PDE3A: variants seen among roughly 807,000 people sequenced by gnomAD.
PDE3A encodes the protein phosphodiesterase 3A.
PDE3A carries 43 observed loss-of-function variants against 98.3 expected under a neutral mutation model. That is an observed-to-expected ratio of 0.44 (90% CI 0.34 to 0.56). The LOEUF (loss-of-function observed/expected upper bound fraction) is 0.56. Ranked by LOEUF, PDE3A falls within the 20% of genes least tolerant of loss-of-function variation. PDE3A has a pLI of 0.01. For missense variants in PDE3A, 1,427 were observed against 1,440.7 expected (o/e 0.99, Z 0.15); for synonymous variants, 663 against 567.9 (o/e 1.17, Z -2.38).
rs1488589197 is a variant in PDE3A, at chr12:20,681,386, A to C, written c.*1115A>C. On this transcript the variant is annotated 3_prime_UTR_variant, in exon 16 of 16. Coordinates refer to ENST00000359062, the MANE Select transcript of PDE3A (RefSeq NM_000921.5). ...GAGAAGGCTTGGGAAATTGTACTTC[A>C]GCGTGATAGCCTGTGTCTTCTTAAT... is the stretch of plus-strand genomic sequence containing the variant. 1 of 152,236 alleles carries C rather than the reference A, an allele frequency of 6.6e-6. No individual in the cohort carries two copies. The highest frequency in any genetic ancestry group is 1.5e-5 in the Non-Finnish European group (1 of 68,056). The allele number at this position is 152,236 out of a possible 1,614,324, so 9.4% of individuals were successfully genotyped here.
At chr12:20,385,748 T>C (rs1027870141) in intron 1 of PDE3A, among the ~76,000 whole-genome samples, 1 of 149,332 alleles carries the variant, frequency 6.7e-6, no homozygotes, top group Non-Finnish European at 1.5e-5. Flanking sequence ...ATAAGAACAC[T>C]TGGACACAGG....
At chr12:20,641,896 A>G (rs951373859) in intron 10 of PDE3A, among the ~76,000 whole-genome samples, 3 of 152,108 alleles carry the variant, frequency 2.0e-5, no homozygotes, top group Non-Finnish European at 4.4e-5. Flanking sequence ...ATTTATTTAC[A>G]TCTTCTCATA....
In PDE3A at chr12:20,684,855, A is replaced by C. The variant is rs796413058; in HGVS notation, c.*4584A>C. On this transcript the variant is annotated 3_prime_UTR_variant, in exon 16 of 16. Transcript: ENST00000359062. Reference sequence around the variant, plus strand: ...CTACAAACAATGAGTTGAGCTAAAAACTATACATAACTTAAATTGAGATTT... The same window carrying C: ...CTACAAACAATGAGTTGAGCTAAAACCTATACATAACTTAAATTGAGATTT... Among the ~76,000 whole-genome samples, 4 of 152,356 alleles carry C rather than the reference A, an allele frequency of 2.6e-5. No homozygotes were observed. The highest frequency in any genetic ancestry group is 9.6e-5 in the African/African-American group (4 of 41,586).
At chr12:20,511,784 AAGAG>A (rs574187661) in intron 1 of PDE3A, among the ~76,000 whole-genome samples, 17 of 152,178 alleles carry the variant, frequency 1.1e-4, no homozygotes, top group Non-Finnish European at 2.1e-4. Context: ...GGCAAAGAGA[AAGAG>A]AGACTGCATT....
chr12:20,656,075 A>T (rs188400667), intron 15 of PDE3A, among the ~76,000 whole-genome samples: 1 of 152,314 alleles, frequency 6.6e-6, no homozygotes, highest in East Asian at 1.9e-4. Flanking sequence ...ATTAGTAAAA[A>T]TCCATGACCC....
intron 1 of PDE3A, among the ~76,000 whole-genome samples, chr12:20,545,633 C>T (rs1448080694): frequency 2.0e-5 from 3 of 151,790 alleles, no homozygotes; most frequent in South Asian, 2.1e-4. Flanking sequence ...ACGAGGAATA[C>T]AGGAGAAAGC....
intron 2 of PDE3A, among the ~76,000 whole-genome samples, chr12:20,579,815 CT>C (rs1453971383): frequency 6.6e-6 from 1 of 152,076 alleles, no homozygotes; most frequent in Non-Finnish European, 1.5e-5. Flanking sequence ...ATCAAAGGTT[CT>C]TAGGCTCAAT....
intron 14 of PDE3A, among the ~76,000 whole-genome samples, chr12:20,653,021 T>A (rs1285074281): frequency 6.6e-6 from 1 of 152,166 alleles, no homozygotes; most frequent in Non-Finnish European, 1.5e-5. Flanking sequence ...AAAGGGAAAA[T>A]TCATGTATAA....
chr12:20,606,524 A>G (rs892890182), intron 2 of PDE3A, among the ~76,000 whole-genome samples: 1 of 152,058 alleles, frequency 6.6e-6, no homozygotes, highest in South Asian at 2.1e-4. Context: ...TTATCATATC[A>G]GTACTGCAAT....
At chr12:20,527,458 G>A (rs1197193118) in intron 1 of PDE3A, among the ~76,000 whole-genome samples, 1 of 152,012 alleles carries the variant, frequency 6.6e-6, no homozygotes, top group Non-Finnish European at 1.5e-5. Flanking sequence ...CATTCAGTGA[G>A]TGCCAGATAA....
intron 2 of PDE3A, among the ~76,000 whole-genome samples, chr12:20,560,268 A>G (rs1942480355): frequency 6.6e-6 from 1 of 152,202 alleles, no homozygotes; most frequent in African/African-American, 2.4e-5. Flanking sequence ...AAAACAGAAT[A>G]AAAGTCTGAT....
Position 20,600,835 on chromosome 12 carries a change from A to T in PDE3A, c.1012-12608A>T, listed in dbSNP as rs1468244689. Among the ~76,000 whole-genome samples the T allele has an allele frequency of 2.0e-5, 3 of 152,180 alleles. No individual in the cohort carries two copies. The East Asian group carries it at 5.8e-4, about 29-fold the overall frequency. On this transcript the variant is annotated intron_variant, in intron 2 of 15. Coordinates refer to ENST00000359062, the MANE Select transcript of PDE3A (RefSeq NM_000921.5). ...GATTAGAACATGCAATTGTGCTAGG[A>T]GGTTGAATGTTTTAAGATGGCTTCC...
intron 1 of PDE3A, among the ~76,000 whole-genome samples, chr12:20,388,244 T>G (rs920460828): frequency 2.6e-5 from 4 of 152,004 alleles, no homozygotes; most frequent in African/African-American, 9.7e-5. Flanking sequence ...GCATTCCTAA[T>G]TTTTGTCCCA....
intron 1 of PDE3A, among the ~76,000 whole-genome samples, chr12:20,488,916 C>G (rs903976982): frequency 6.6e-6 from 1 of 151,728 alleles, no homozygotes; most frequent in African/African-American, 2.4e-5. Flanking sequence ...AGCAGTTCCC[C>G]TAATGATTCT....
At chr12:20,501,093 G>A (rs764571412) in intron 1 of PDE3A, among the ~76,000 whole-genome samples, 1 of 152,060 alleles carries the variant, frequency 6.6e-6, no homozygotes, top group African/African-American at 2.4e-5. Flanking sequence ...TCACTGTAGA[G>A]AATTTATAAG....
chr12:20,509,399 C>T (rs1592001199), intron 1 of PDE3A, among the ~76,000 whole-genome samples: 1 of 152,040 alleles, frequency 6.6e-6, no homozygotes, highest in East Asian at 1.9e-4. Flanking sequence ...TTTCTGTCTT[C>T]TGGGTACCCC....
intron 1 of PDE3A, among the ~76,000 whole-genome samples, chr12:20,382,624 A>G (rs1943682073): frequency 1.3e-5 from 2 of 151,982 alleles, no homozygotes; most frequent in Non-Finnish European, 2.9e-5. Context: ...GAAAGAATAT[A>G]TGCACTCTCT....
intron 1 of PDE3A, among the ~76,000 whole-genome samples, chr12:20,398,055 T>TG (rs978522018): frequency 2.0e-5 from 3 of 151,802 alleles, no homozygotes; most frequent in Admixed American, 6.6e-5. Context: ...TTTTTTGTTT[T>TG]TTTTTTCGGG....
intron 1 of PDE3A, among the ~76,000 whole-genome samples, chr12:20,473,974 A>T (rs1225868566): frequency 1.3e-5 from 2 of 152,150 alleles, no homozygotes; most frequent in Non-Finnish European, 2.9e-5. Flanking sequence ...CACATGTACA[A>T]GTATTTCTCT....
Sources: gnomAD v4.1 joint callset for allele counts (sites outside exome capture counted in the v4.1 genomes callset) on GRCh38, gnomAD v4.1.1 for gene constraint, MANE v1.5 for transcripts, NCBI Gene and HGNC (gene_info 2026-07-23, HGNC 2026-07-21) for gene names.